PRKDC: variants seen among roughly 807,000 people sequenced by gnomAD.
PRKDC encodes protein kinase, DNA-activated, catalytic subunit.
PRKDC carries 82 observed loss-of-function variants against 486.9 expected under a neutral mutation model. The ratio of observed to expected loss-of-function variants is 0.17; its 90% CI spans 0.14 to 0.20. The LOEUF is 0.20. Among genes scored for constraint, PRKDC ranks in the 10% least tolerant of loss-of-function variants. PRKDC has a pLI of 1.00. For missense variants in PRKDC, 4,504 were observed against 5,038.2 expected, an observed-to-expected ratio of 0.89 and a Z score of 3.21; for synonymous variants, 1,895 against 1,837.0, an observed-to-expected ratio of 1.03 and a Z score of -0.81.
At chr8:47,797,165 C>T (rs1410388744) in intron 73 of PRKDC, among the ~76,000 whole-genome samples, 1 of 152,142 alleles carries the variant, frequency 6.6e-6, no homozygotes, top group African/African-American at 2.4e-5. Context: ...CCACACAGCT[C>T]ATGTAAGCTC....
intron 76 of PRKDC, among the ~76,000 whole-genome samples, chr8:47,787,677 C>T (rs1160924884): frequency 1.3e-5 from 2 of 152,160 alleles, no homozygotes; most frequent in Non-Finnish European, 2.9e-5. Flanking sequence ...GAACTGTGCT[C>T]CCCATGGACA....
chr8:47,875,980 C>T (rs1010822314), intron 40 of PRKDC, among the ~76,000 whole-genome samples: 3 of 152,074 alleles, frequency 2.0e-5, no homozygotes, highest in Non-Finnish European at 2.9e-5. Context: ...AAAAATATTA[C>T]GCTGAACAAA....
In PRKDC at chr8:47,840,006, T is replaced by G. The variant is rs375096742; in HGVS notation, c.7454+10A>C. Reference sequence around the variant, plus strand: ...AAGTAACAAAATAAAATAGTCAATGTATAGCTTACCTGTAATTATCATGAA... The same window carrying G: ...AAGTAACAAAATAAAATAGTCAATGGATAGCTTACCTGTAATTATCATGAA... On this transcript the variant is annotated intron_variant, in intron 55 of 85. Coordinates refer to ENST00000314191, the MANE Select transcript of PRKDC (RefSeq NM_006904.7). 20 of 1,524,706 alleles carry G rather than the reference T, an allele frequency of 1.3e-5. No individual in the cohort carries two copies. The highest frequency in any genetic ancestry group is 6.2e-5 in the Admixed American group (3 of 48,038). 94.4% of individuals were successfully genotyped at this position (1,524,706 alleles called of 1,614,324 possible).
At chr8:47,910,044 A>G (rs993464392) in intron 25 of PRKDC, among the ~76,000 whole-genome samples, 2 of 152,048 alleles carry the variant, frequency 1.3e-5, no homozygotes, top group Non-Finnish European at 2.9e-5. Context: ...ATCCCTAATA[A>G]AAATCTGCTG....
In PRKDC at chr8:47,820,925, T is replaced by C. The variant is rs768317348; in HGVS notation, c.9130A>G (p.Met3044Val). The C allele has an allele frequency of 3.1e-6, 5 of 1,600,082 alleles. No individual in the cohort carries two copies. The highest frequency in any genetic ancestry group is 1.3e-5 in the African/African-American group (1 of 74,758). Residue 3044 changes from methionine (M) to valine (V), a missense_variant, in exon 66 of 86, where the codon ATG becomes GTG. Met to Val is a conservative substitution (Grantham distance 21, BLOSUM62 1). Transcript: ENST00000314191. Reference sequence around the variant, plus strand: ...AGCAGCTTCAGCTTGCTGCGGATCATGTAAGGTAGATATGTTTCCTAAGGA... The same window carrying C: ...AGCAGCTTCAGCTTGCTGCGGATCACGTAAGGTAGATATGTTTCCTAAGGA... Reference protein sequence around the residue: ...PFYQETYLPYMIRSKLKLLLQ... With the variant: ...PFYQETYLPYVIRSKLKLLLQ...
chr8:47,849,027 A>G (rs2154500183), intron 54 of PRKDC, 127 bp downstream of exon 54: 1 of 1,249,698 alleles, frequency 8.0e-7, no homozygotes. Context: ...CCTTTTCTTC[A>G]GAGATTCCAA....
chr8:47,957,000 A>AC (rs2090714240), intron 3 of PRKDC, among the ~76,000 whole-genome samples, 171 bp downstream of exon 3: 2 of 150,030 alleles, frequency 1.3e-5, no homozygotes, highest in South Asian at 2.1e-4. Flanking sequence ...AAAAAAAAAA[A>AC]ACCTAATGAA....
At chr8:47,828,084 A>G in intron 62 of PRKDC, 84 bp downstream of exon 62, 3 of 1,355,184 alleles carry the variant, frequency 2.2e-6, no homozygotes, top group Non-Finnish European at 3.0e-6. Context: ...AAGAGTCTCA[A>G]CACGGGAAAC....
At chr8:47,822,484 G>A (rs746662167) in intron 64 of PRKDC, among the ~76,000 whole-genome samples, 32 of 152,250 alleles carry the variant, frequency 2.1e-4, no homozygotes, top group Non-Finnish European at 4.3e-4. Flanking sequence ...GAAAATTGCA[G>A]AGGATTTTAA....
At chr8:47,818,112 ATG>A (rs1249315411) in intron 67 of PRKDC, among the ~76,000 whole-genome samples, 1 of 152,178 alleles carries the variant, frequency 6.6e-6, no homozygotes, top group Non-Finnish European at 1.5e-5. Flanking sequence ...CACATTGTTA[ATG>A]TGTTTTTCTT....
chr8:47,848,768 T>C (rs1385970749), intron 54 of PRKDC, among the ~76,000 whole-genome samples: 1 of 152,208 alleles, frequency 6.6e-6, no homozygotes, highest in African/African-American at 2.4e-5. Context: ...TATACTTTTA[T>C]GTTATGTTGC....
Position 47,888,629 on chromosome 8 carries a change from G to A in PRKDC, c.4302C>T (p.Val1434=). 1 of 1,593,112 alleles carries A rather than the reference G, an allele frequency of 6.3e-7. No individual in the cohort carries two copies. The highest frequency in any genetic ancestry group is 8.5e-7 in the Non-Finnish European group (1 of 1,170,118). Residue 1434 remains valine, a synonymous_variant, in exon 34 of 86, where the codon GTC becomes GTT. Transcript: ENST00000314191. ...CTTGCGCGTCAGGGCCATACAAGTT[G>A]ACGGCACAAAGCTCCTCAATGCTGG... ...TAQSIEELCA[V]NLYGPDAQVD... is the part of the protein sequence containing the mutation.
At chr8:47,888,119 C>T (rs2089376181) in intron 34 of PRKDC, among the ~76,000 whole-genome samples, 1 of 152,112 alleles carries the variant, frequency 6.6e-6, no homozygotes, top group Non-Finnish European at 1.5e-5. Flanking sequence ...CTCAAGCAAT[C>T]CTCCTATCTG....
intron 40 of PRKDC, among the ~76,000 whole-genome samples, chr8:47,865,243 G>C (rs1178726156): frequency 6.6e-6 from 1 of 152,084 alleles, no homozygotes; most frequent in Admixed American, 6.6e-5. Context: ...AAAATTAGCT[G>C]GGCGTGGTGG....
chr8:47,904,128 C>T (rs181470248), intron 26 of PRKDC, among the ~76,000 whole-genome samples: 2 of 152,126 alleles, frequency 1.3e-5, no homozygotes, highest in African/African-American at 4.8e-5. Context: ...AGTGAGCTGG[C>T]GACCAAATTC....
At chr8:47,865,482 A>G (rs2088787831) in intron 40 of PRKDC, among the ~76,000 whole-genome samples, 1 of 152,146 alleles carries the variant, frequency 6.6e-6, no homozygotes, top group African/African-American at 2.4e-5. Context: ...ATACCTGTCT[A>G]TCTGGTCCTT....
intron 40 of PRKDC, 82 bp downstream of exon 40, chr8:47,877,642 T>C: frequency 1.7e-6 from 2 of 1,184,044 alleles, no homozygotes; most frequent in African/African-American, 1.6e-5. Context: ...GCCACTCAGC[T>C]TTTTTTTTGG....
chr8:47,820,076 T>C (rs540486066), intron 66 of PRKDC, among the ~76,000 whole-genome samples: 2 of 152,302 alleles, frequency 1.3e-5, no homozygotes, highest in Admixed American at 6.5e-5. Flanking sequence ...CCTGCTCTTC[T>C]CTACAAAGCA....
intron 21 of PRKDC, among the ~76,000 whole-genome samples, chr8:47,924,579 T>TA (rs1008652788): frequency 4.6e-5 from 7 of 151,182 alleles, no homozygotes; most frequent in Admixed American, 3.3e-4. Context: ...ATAATAATAA[T>TA]AAAAAAAAGG....
Sources: allele counts gnomAD v4.1 joint callset (sites outside exome capture counted in the v4.1 genomes callset), GRCh38; gene constraint gnomAD v4.1.1; transcripts MANE v1.5; gene names NCBI Gene and HGNC (gene_info 2026-07-23, HGNC 2026-07-21).